The following MROH2B variants were observed in gnomAD, a reference collection of about 807,000 sequenced individuals.
MROH2B encodes maestro heat-like repeat-containing protein family member 2B.
In MROH2B, 177 loss-of-function variants were observed where a neutral mutation model predicts 208.6. That is an observed-to-expected ratio of 0.85 (90% CI 0.75 to 0.96). The LOEUF (loss-of-function observed/expected upper bound fraction) is 0.96. MROH2B is among the 40% of genes least tolerant of loss of function. MROH2B has a pLI of 0.00. For synonymous variants in MROH2B, 728 were observed against 659.0 expected, an observed-to-expected ratio of 1.10 and a Z score of -1.60; for missense variants, 2,002 against 1,878.7, an observed-to-expected ratio of 1.07 and a Z score of -1.21.
Position 40,998,660 on chromosome 5 carries a change from A to T in MROH2B, c.4603T>A (p.Leu1535Met), listed in dbSNP as rs1323815308. The T allele has an allele frequency of 9.5e-6, 15 of 1,587,286 alleles. No homozygotes were observed. The South Asian group carries it at 1.7e-4, about 18-fold the overall frequency. Residue 1535 changes from leucine (L) to methionine (M), a missense_variant, in exon 41 of 42, where the codon TTG becomes ATG. Transcript: ENST00000399564. ...AGTAACTCCACATATTGGCTGGTCA[A>T]ATTGAGAACAACGGCATCTAAAGTT... ...VKLTDAVVLNLTSQYVELLDR... is the reference protein window; with the variant it reads ...VKLTDAVVLNMTSQYVELLDR...
rs758927004 is a variant in MROH2B at position 41,058,092 on chromosome 5, C to CT, written c.726dup (p.Asp243ArgfsTer5). On this transcript the variant is annotated frameshift_variant, in exon 7 of 42. Transcript: ENST00000399564. LOFTEE classifies it high-confidence loss of function. ...GTGACATGGAAATCAATCTCTTTGTCTTTATACTGGTTCAGGAGCCAGGGC... is the reference window on the plus strand; with the variant it reads ...GTGACATGGAAATCAATCTCTTTGTCTTTTATACTGGTTCAGGAGCCAGGGC... 1.4e-5 allele frequency: 22 copies of CT among 1,602,374 alleles called. No individual in the cohort carries two copies. Among genetic ancestry groups the CT allele is most frequent in the South Asian group, 9.0e-5 (8 of 88,870 alleles).
rs1017994525 is a variant in MROH2B at position 41,055,873 on chromosome 5, A to C, written c.920-18T>G. On this transcript the variant is annotated intron_variant, in intron 9 of 41. Coordinates refer to ENST00000399564, the MANE Select transcript of MROH2B (RefSeq NM_173489.5). ...GGAATGGGCTGCAGGTTCAAGAAACACTAGAGCTGTAACTCATTTTCATCC... is the reference window on the plus strand; with the variant it reads ...GGAATGGGCTGCAGGTTCAAGAAACCCTAGAGCTGTAACTCATTTTCATCC... The C allele has an allele frequency of 3.2e-6, 5 of 1,552,944 alleles. No homozygotes were observed. The African/African-American group carries it at 6.8e-5, about 21-fold the overall frequency.
chr5:41,047,791 C>A, intron 16 of MROH2B, 27 bp from the exon 17 acceptor site: 3 of 1,561,252 alleles, frequency 1.9e-6, no homozygotes, highest in South Asian at 1.2e-5. Flanking sequence ...ATGTAATAAT[C>A]GCAAAAAAAC....
Position 40,998,093 on chromosome 5 carries a change from T to C in MROH2B, c.4717A>G (p.Thr1573Ala), listed in dbSNP as rs1279885577. ...VQRAAEAALQ[T>A]LLRRCKETSI... The stretch of plus-strand genomic sequence containing the variant: ...GTCTCTTTACACCTTCTCAGGAGGG[T>C]TTGCAAAGCAGCCTCAGCTGCTCTC... Residue 1573 changes from threonine to alanine, a missense_variant, in exon 42 of 42, where the codon ACC (threonine) becomes GCC (alanine). Transcript: ENST00000399564. 6.2e-7 allele frequency: 1 copy of C among 1,612,462 alleles called. No homozygotes were observed. Among genetic ancestry groups the C allele is most frequent in the Non-Finnish European group, 8.5e-7 (1 of 1,178,786 alleles).
intron 1 of MROH2B, 104 bp from the exon 2 acceptor site, chr5:41,069,856 T>A (rs1012309173): frequency 3.9e-6 from 3 of 765,306 alleles, no homozygotes; most frequent in Non-Finnish European, 6.6e-6. Flanking sequence ...TTATCCTCTC[T>A]CTCTCTCTCT....
At chr5:40,998,268 G>A (rs1327709259) in intron 41 of MROH2B, 110 bp from the exon 42 acceptor site, 5 of 760,112 alleles carry the variant, frequency 6.6e-6, no homozygotes, top group Non-Finnish European at 1.1e-5. Flanking sequence ...GACCCAAGTG[G>A]GGCTCAGGTC....
intron 36 of MROH2B, 63 bp downstream of exon 36, chr5:41,004,711 T>A: frequency 1.3e-6 from 2 of 1,571,668 alleles, no homozygotes; most frequent in Non-Finnish European, 1.7e-6. Flanking sequence ...TAGGCGTGGG[T>A]TATTAAATCA....
At chr5:40,998,203 G>T in intron 41 of MROH2B, 45 bp from the exon 42 acceptor site, 1 of 1,530,202 alleles carries the variant, frequency 6.5e-7, no homozygotes, top group Non-Finnish European at 9.0e-7. Flanking sequence ...GAGAGTCAGA[G>T]CCCAGCAAGA....
chr5:41,045,919 G>T (rs1188261526), intron 17 of MROH2B, 66 bp from the exon 18 acceptor site: 27 of 1,177,126 alleles, frequency 2.3e-5, no homozygotes, highest in South Asian at 1.5e-4. Context: ...GCATATTTTT[G>T]GTTATTTTAT....
chr5:41,033,890 G>T (rs67027762), intron 21 of MROH2B, 26 bp from the exon 22 acceptor site: 324,299 of 1,534,318 alleles, frequency 0.21, 37,668 homozygotes, highest in South Asian at 0.32. Context: ...GGCAAAATTA[G>T]ATACTCAATG....
rs561146995 is a variant in MROH2B, at chr5:41,010,443, A to G, written c.3136-364T>C. The stretch of plus-strand genomic sequence containing the variant: ...GTCAAGGCAGTCTATGGCAAATGGT[A>G]TACATGAGGTGCATACAACCGACAG... On this transcript the variant is annotated intron_variant, in intron 30 of 41. Coordinates refer to ENST00000399564, the MANE Select transcript of MROH2B (RefSeq NM_173489.5). 7.2e-5 allele frequency among the ~76,000 whole-genome samples: 11 copies of G among 152,338 alleles called. No individual in the cohort carries two copies. The East Asian group carries it at 1.9e-3, about 27-fold the overall frequency.
intron 24 of MROH2B, among the ~76,000 whole-genome samples, chr5:41,023,169 G>A (rs1176957595): frequency 3.3e-5 from 5 of 152,206 alleles, no homozygotes; most frequent in Admixed American, 3.3e-4. Flanking sequence ...CTCCTCACAA[G>A]CAATGGAACA....
intron 34 of MROH2B, among the ~76,000 whole-genome samples, chr5:41,006,730 T>C (rs1249824925): frequency 2.0e-5 from 3 of 152,104 alleles, no homozygotes; most frequent in African/African-American, 7.2e-5. Context: ...TGAAGTAACT[T>C]GGGAATGGAA....
At chr5:40,999,900 T>A in intron 39 of MROH2B, 121 bp from the exon 40 acceptor site, 1 of 851,274 alleles carries the variant, frequency 1.2e-6, no homozygotes, top group East Asian at 2.6e-5. Flanking sequence ...AGCCATAAAT[T>A]AATTGGCTGA....
intron 17 of MROH2B, 98 bp downstream of exon 17, chr5:41,047,623 T>C: frequency 9.2e-7 from 1 of 1,090,284 alleles, no homozygotes; most frequent in South Asian, 1.4e-5. Context: ...AAAGGTTGTT[T>C]ATTATCCTCA....
chr5:41,053,291 T>C (rs986063726), intron 11 of MROH2B, among the ~76,000 whole-genome samples: 24 of 152,294 alleles, frequency 1.6e-4, no homozygotes, highest in African/African-American at 5.8e-4. Context: ...TCTTATTCTA[T>C]GCTGTGTGGA....
intron 16 of MROH2B, 94 bp from the exon 17 acceptor site, chr5:41,047,858 T>A: frequency 9.7e-7 from 1 of 1,032,736 alleles, no homozygotes; most frequent in Non-Finnish European, 1.4e-6. Flanking sequence ...ACTGGAGTTC[T>A]ATTTTAAGCT....
intron 24 of MROH2B, among the ~76,000 whole-genome samples, chr5:41,031,301 C>T (rs1742560619): frequency 6.6e-6 from 1 of 152,048 alleles, no homozygotes; most frequent in African/African-American, 2.4e-5. Context: ...ATAAAACTAT[C>T]AGATCTCATG....
At chr5:41,011,861 T>C (rs935495759) in intron 30 of MROH2B, among the ~76,000 whole-genome samples, 2 of 152,050 alleles carry the variant, frequency 1.3e-5, no homozygotes, top group African/African-American at 2.4e-5. Context: ...AGAGATGAGG[T>C]TTCTCCATGT....
Sources: allele counts gnomAD v4.1 joint callset (sites outside exome capture counted in the v4.1 genomes callset), GRCh38; gene constraint gnomAD v4.1.1; transcripts MANE v1.5; gene names NCBI Gene and HGNC (gene_info 2026-07-23, HGNC 2026-07-21).